TNRC6A: variants seen among roughly 807,000 people sequenced by gnomAD.
TNRC6A encodes trinucleotide repeat-containing gene 6A protein.
Under a neutral mutation model 221.2 loss-of-function variants are expected in TNRC6A, and 44 were observed. That is an observed-to-expected ratio of 0.20 (90% CI 0.16 to 0.26). The LOEUF is 0.26. Among genes scored for constraint, TNRC6A ranks in the 10% least tolerant of loss-of-function variants. The probability of loss-of-function intolerance (pLI) is 1.00; values close to 1 mark genes in which losing one functional copy is unlikely to be tolerated. For missense variants in TNRC6A, 2,199 were observed against 2,404.4 expected (o/e 0.91, Z 1.79); for synonymous variants, 847 against 838.5 (o/e 1.01, Z -0.18).
At chr16:24,685,701 G>T (rs746212423) in intron 2 of TNRC6A, among the ~76,000 whole-genome samples, 1 of 152,116 alleles carries the variant, frequency 6.6e-6, no homozygotes, top group Non-Finnish European at 1.5e-5. Context: ...TTAAATTCTG[G>T]TGCCACTACC....
At chr16:24,657,840 C>T (rs939164113) in intron 2 of TNRC6A, among the ~76,000 whole-genome samples, 8 of 148,178 alleles carry the variant, frequency 5.4e-5, no homozygotes, top group African/African-American at 2.0e-4. Context: ...TTTTATGCCA[C>T]TTTTTTTTTT....
Position 24,791,490 on chromosome 16 carries a change from C to G in TNRC6A, c.2848C>G (p.Gln950Glu). Reference protein sequence around the residue: ...PVSSPDWNKQQDIVGSWGIPP... With the variant: ...PVSSPDWNKQEDIVGSWGIPP... ...CAGCTCTCCAGACTGGAACAAGCAA[C>G]AAGACATTGTTGGATCTTGGGGAAT... The change falls in exon 6 of 25, where the codon CAA becomes GAA. Residue 950 changes from glutamine (Q) to glutamate (E), a missense_variant. This residue lies in a region of TNRC6A where 1,405 missense variants were observed against 1,400.2 expected (regional missense o/e 1.00). Coordinates refer to ENST00000395799, the MANE Select transcript of TNRC6A (RefSeq NM_014494.4). 6.5e-7 allele frequency: 1 copy of G among 1,532,194 alleles called. No homozygotes were observed. The highest frequency in any genetic ancestry group is 8.7e-7 in the Non-Finnish European group (1 of 1,143,626). 94.9% of individuals were successfully genotyped at this position (1,532,194 alleles called of 1,614,324 possible). A position where few individuals can be genotyped will look rare whatever the true frequency, so the allele number is the denominator to read the frequency against.
chr16:24,758,682 T>G (rs1555500144), intron 4 of TNRC6A, among the ~76,000 whole-genome samples: 2 of 152,272 alleles, frequency 1.3e-5, no homozygotes, highest in South Asian at 2.1e-4. Context: ...TCTAAAAGTC[T>G]TCTTGTGTGG....
At chr16:24,716,756 G>A (rs1013317026) in intron 2 of TNRC6A, among the ~76,000 whole-genome samples, 3 of 151,830 alleles carry the variant, frequency 2.0e-5, no homozygotes, top group Non-Finnish European at 2.9e-5. Context: ...TCAAGAGATA[G>A]AGACCATCCT....
intron 1 of TNRC6A, among the ~76,000 whole-genome samples, chr16:24,624,216 C>T (rs1483255660): frequency 1.3e-5 from 2 of 152,122 alleles, no homozygotes; most frequent in African/African-American, 2.4e-5. Context: ...AGCAAGAGCA[C>T]GCAAACCCAA....
intron 19 of TNRC6A, 146 bp from the exon 20 acceptor site, chr16:24,816,670 A>G (rs2058665229): frequency 1.0e-6 from 1 of 955,134 alleles, no homozygotes; most frequent in African/African-American, 1.7e-5. Context: ...TAATTGTATT[A>G]ACTGAACCAT....
intron 18 of TNRC6A, among the ~76,000 whole-genome samples, chr16:24,814,414 T>TTTCTTTTC (rs796838231): frequency 5.7e-5 from 8 of 140,246 alleles, no homozygotes; most frequent in African/African-American, 1.9e-4. Context: ...TTTTTCTTTT[T>TTTCTTTTC]TTTTTTTTTT....
intron 1 of TNRC6A, among the ~76,000 whole-genome samples, chr16:24,623,273 A>G (rs1369636121): frequency 6.6e-6 from 1 of 151,250 alleles, no homozygotes; most frequent in Non-Finnish European, 1.5e-5. Flanking sequence ...ATCTCGGCTC[A>G]CTGCAAGCTC....
At chr16:24,682,739 G>A (rs896142184) in intron 2 of TNRC6A, among the ~76,000 whole-genome samples, 14 of 152,128 alleles carry the variant, frequency 9.2e-5, no homozygotes, top group South Asian at 4.2e-4. Context: ...CAGAATGACC[G>A]CAGAGAAGCA....
intron 2 of TNRC6A, chr16:24,665,075 T>C (rs905020974): frequency 4.6e-6 from 2 of 437,698 alleles, no homozygotes. Flanking sequence ...TGTTTGTTTA[T>C]TTATGTTAGA....
chr16:24,819,920 C>A (rs1423540884), intron 21 of TNRC6A, among the ~76,000 whole-genome samples: 1 of 152,178 alleles, frequency 6.6e-6, no homozygotes, highest in Admixed American at 6.5e-5. Context: ...ATAGGTCTTA[C>A]AGCTGTTAGT....
intron 2 of TNRC6A, among the ~76,000 whole-genome samples, chr16:24,683,845 G>A (rs183185149): frequency 1.2e-3 from 179 of 152,240 alleles, no homozygotes; most frequent in African/African-American, 4.2e-3. Flanking sequence ...TATAGGCATC[G>A]ACACTAACTC....
intron 17 of TNRC6A, among the ~76,000 whole-genome samples, chr16:24,808,861 C>T (rs893793269): frequency 1.3e-5 from 2 of 152,166 alleles, no homozygotes; most frequent in African/African-American, 2.4e-5. Context: ...TAATAGTTTT[C>T]TGACCACTGT....
In TNRC6A at chr16:24,789,790, C is replaced by A. The variant is rs544253401; in HGVS notation, c.1148C>A (p.Pro383His). The change falls in exon 6 of 25, where the codon CCT becomes CAT. Residue 383 changes from proline (P) to histidine (H), a missense_variant. This residue lies in a region of TNRC6A where 1,405 missense variants were observed against 1,400.2 expected (regional missense o/e 1.00). Coordinates refer to ENST00000395799, the MANE Select transcript of TNRC6A (RefSeq NM_014494.4). The part of the protein sequence containing the change: ...LENNGLALKG[P>H]VGSGSSGINI... ...AACAATGGACTTGCCCTAAAAGGGC[C>A]TGTAGGGAGTGGTAGTTCTGGCATT... The A allele has an allele frequency of 6.2e-6, 10 of 1,614,106 alleles. No individual in the cohort carries two copies. In the South Asian group the frequency reaches 9.9e-5, roughly 16 times the overall value.
intron 2 of TNRC6A, among the ~76,000 whole-genome samples, chr16:24,749,176 T>C (rs188964610): frequency 2.4e-4 from 36 of 152,312 alleles, no homozygotes; most frequent in Non-Finnish European, 2.1e-4. Flanking sequence ...GTCTAGACTT[T>C]AGGGTGATGA....
intron 2 of TNRC6A, among the ~76,000 whole-genome samples, chr16:24,687,911 CTTCTTTTCTT>C (rs551462314): frequency 0.057 from 6,854 of 119,916 alleles, 431 homozygotes; most frequent in African/African-American, 0.15. Flanking sequence ...CTTGGACATG[CTTCTTTTCTT>C]TTCTTTTCTT....
chr16:24,613,764 G>A (rs2141541600), intron 1 of TNRC6A, among the ~76,000 whole-genome samples: 1 of 152,118 alleles, frequency 6.6e-6, no homozygotes, highest in East Asian at 1.9e-4. Flanking sequence ...TCAAAATCCT[G>A]ACCTCAGGTG....
chr16:24,678,012 A>G (rs1262560347), intron 2 of TNRC6A, among the ~76,000 whole-genome samples: 1 of 152,106 alleles, frequency 6.6e-6, no homozygotes, highest in Non-Finnish European at 1.5e-5. Context: ...TAACACTTCT[A>G]ATAAATAGAA....
At chr16:24,636,274 T>C (rs960878004) in intron 1 of TNRC6A, among the ~76,000 whole-genome samples, 28 of 152,162 alleles carry the variant, frequency 1.8e-4, no homozygotes, top group African/African-American at 6.8e-4. Flanking sequence ...TTTCATTCAT[T>C]CATTCAAGAA....
Sources: allele counts gnomAD v4.1 joint callset (sites outside exome capture counted in the v4.1 genomes callset), GRCh38; gene constraint gnomAD v4.1.1; regional missense constraint gnomAD v4.1.1; transcripts MANE v1.5; gene names NCBI Gene and HGNC (gene_info 2026-07-23, HGNC 2026-07-21).